The following NRG3 variants were observed in gnomAD, a reference collection of about 807,000 sequenced individuals.
NRG3 encodes the protein neuregulin 3.
A neutral mutation model predicts 66.9 loss-of-function variants in NRG3; 31 were observed. The ratio of observed to expected loss-of-function variants is 0.46; its 90% CI spans 0.35 to 0.63. NRG3 has a LOEUF of 0.63. NRG3 is among the 20% of genes least tolerant of loss of function. NRG3 has a pLI of 0.00. For missense variants in NRG3, 910 were observed against 878.9 expected (o/e 1.04, Z -0.45); for synonymous variants, 393 against 359.4 (o/e 1.09, Z -1.06).
At chr10:82,079,170 G>A (rs914039228) in intron 1 of NRG3, among the ~76,000 whole-genome samples, 1 of 151,134 alleles carries the variant, frequency 6.6e-6, no homozygotes, top group Admixed American at 6.6e-5. Flanking sequence ...TCAGCCTCCC[G>A]AATAGCTGGG....
At chr10:82,947,365 A>G (rs1206848573) in intron 4 of NRG3, among the ~76,000 whole-genome samples, 2 of 152,198 alleles carry the variant, frequency 1.3e-5, no homozygotes, top group East Asian at 3.9e-4. Context: ...CTGTTGATGG[A>G]TCCTTGGGTT....
chr10:81,984,826 AGTAATAAAAT>A (rs1286740173), intron 1 of NRG3, among the ~76,000 whole-genome samples: 1 of 152,240 alleles, frequency 6.6e-6, no homozygotes, highest in Non-Finnish European at 1.5e-5. Context: ...CAAAAGGATA[AGTAATAAAAT>A]GTATTAACTG....
chr10:82,586,802 T>C (rs990217590), intron 2 of NRG3, among the ~76,000 whole-genome samples: 3 of 152,208 alleles, frequency 2.0e-5, no homozygotes, highest in African/African-American at 7.2e-5. Flanking sequence ...ATCATTCAAA[T>C]GCTCAGGCTT....
In NRG3 at chr10:82,219,518, G is replaced by T. The variant is rs567995344; in HGVS notation, c.824-139221G>T. 7.9e-5 allele frequency among the ~76,000 whole-genome samples: 12 copies of T among 151,856 alleles called. No homozygotes were observed. In the East Asian group the frequency reaches 2.3e-3, roughly 29 times the overall value. On this transcript the variant is annotated intron_variant, in intron 1 of 8. Transcript: ENST00000372141. ...GTGACCTGATTTTGTGTTTCTTCTT[G>T]CATGATTATTTTTTGGGCCCTCAAT...
intron 2 of NRG3, among the ~76,000 whole-genome samples, chr10:82,699,785 C>G (rs1309798869): frequency 6.6e-6 from 1 of 151,980 alleles, no homozygotes; most frequent in Admixed American, 6.6e-5. Flanking sequence ...ATGAATTATT[C>G]TTCTCCAGAA....
At chr10:82,341,458 A>T (rs927430154) in intron 1 of NRG3, among the ~76,000 whole-genome samples, 7 of 152,100 alleles carry the variant, frequency 4.6e-5, no homozygotes, top group African/African-American at 1.7e-4. Flanking sequence ...AATGAAAATG[A>T]TATTTATATT....
At chr10:81,979,986 C>T (rs1053729221) in intron 1 of NRG3, among the ~76,000 whole-genome samples, 4 of 152,190 alleles carry the variant, frequency 2.6e-5, no homozygotes, top group African/African-American at 9.7e-5. Flanking sequence ...GGTTAACCAA[C>T]CAGCCCTTAC....
chr10:82,514,601 T>C (rs1845485626), intron 2 of NRG3, among the ~76,000 whole-genome samples: 1 of 152,130 alleles, frequency 6.6e-6, no homozygotes, highest in Non-Finnish European at 1.5e-5. Flanking sequence ...TTGTTTGTTT[T>C]TGTTTTTGTT....
intron 1 of NRG3, among the ~76,000 whole-genome samples, chr10:82,353,655 T>C (rs2083577795): frequency 6.6e-6 from 1 of 152,156 alleles, no homozygotes; most frequent in East Asian, 1.9e-4. Flanking sequence ...ATCCAGATAA[T>C]TGCACAGTCC....
chr10:82,246,529 CA>C (rs2077251420), intron 1 of NRG3, among the ~76,000 whole-genome samples: 1 of 152,152 alleles, frequency 6.6e-6, no homozygotes, highest in Non-Finnish European at 1.5e-5. Flanking sequence ...ACTCTTTTGG[CA>C]AACGGTATAA....
chr10:82,820,165 A>G (rs1055073016), intron 3 of NRG3, among the ~76,000 whole-genome samples: 3 of 152,182 alleles, frequency 2.0e-5, no homozygotes, highest in Admixed American at 6.5e-5. Flanking sequence ...GGGAATTGAC[A>G]CTTAACATCA....
intron 2 of NRG3, among the ~76,000 whole-genome samples, chr10:82,390,527 C>G (rs143196838): frequency 6.6e-6 from 1 of 151,934 alleles, no homozygotes; most frequent in Non-Finnish European, 1.5e-5. Context: ...CTGATTTGCC[C>G]GTGACACTCA....
At chr10:82,858,647 T>C (rs984651675) in intron 3 of NRG3, among the ~76,000 whole-genome samples, 8 of 152,154 alleles carry the variant, frequency 5.3e-5, no homozygotes, top group South Asian at 2.1e-4. Flanking sequence ...CAGGGATCTG[T>C]GGGTGGAATC....
At chr10:82,190,170 C>T (rs1036359456) in intron 1 of NRG3, among the ~76,000 whole-genome samples, 1 of 152,084 alleles carries the variant, frequency 6.6e-6, no homozygotes, top group Middle Eastern at 3.2e-3. Flanking sequence ...ATAGTGCCTA[C>T]TTTCTAAAGT....
intron 3 of NRG3, among the ~76,000 whole-genome samples, chr10:82,836,058 G>C (rs77859879): frequency 6.6e-6 from 1 of 152,080 alleles, no homozygotes; most frequent in Non-Finnish European, 1.5e-5. Context: ...TAAAAAATCA[G>C]AATAATAATA....
At chr10:82,072,769 T>A (rs2064879436) in intron 1 of NRG3, among the ~76,000 whole-genome samples, 1 of 151,706 alleles carries the variant, frequency 6.6e-6, no homozygotes, top group Admixed American at 6.6e-5. Context: ...TTTATTTTAT[T>A]ATTATTATTT....
chr10:82,380,796 C>T (rs1192293128), intron 2 of NRG3, among the ~76,000 whole-genome samples: 3 of 152,132 alleles, frequency 2.0e-5, no homozygotes, highest in African/African-American at 7.2e-5. Context: ...TAACTAATCA[C>T]TTCCTCTCCC....
chr10:82,404,046 T>G (rs1288259830), intron 2 of NRG3, among the ~76,000 whole-genome samples: 1 of 152,160 alleles, frequency 6.6e-6, no homozygotes, highest in Non-Finnish European at 1.5e-5. Flanking sequence ...TATACTAACT[T>G]CTAGGCTGAA....
intron 7 of NRG3, among the ~76,000 whole-genome samples, chr10:82,975,604 G>C (rs1279811712): frequency 6.6e-6 from 1 of 152,144 alleles, no homozygotes; most frequent in East Asian, 1.9e-4. Context: ...CTTACAAAAT[G>C]CTTTTAGAAC....
Sources: gnomAD v4.1 joint callset for allele counts (sites outside exome capture counted in the v4.1 genomes callset) on GRCh38, gnomAD v4.1.1 for gene constraint, MANE v1.5 for transcripts, NCBI Gene and HGNC (gene_info 2026-07-23, HGNC 2026-07-21) for gene names.